Variants in KCMF1 observed in about 807,000 individuals in gnomAD.
KCMF1 encodes E3 ubiquitin-protein ligase KCMF1.
A neutral mutation model predicts 41.1 loss-of-function variants in KCMF1; 3 were observed. The observed-to-expected ratio is 0.07, with a 90% CI of 0.03 to 0.19. The LOEUF (loss-of-function observed/expected upper bound fraction) is 0.19. KCMF1 is among the 10% of genes least tolerant of loss of function. The pLI, the probability that KCMF1 is intolerant of heterozygous loss-of-function variation, is 1.00. For missense variants in KCMF1, 286 were observed against 488.9 expected (o/e 0.58, Z 3.91); for synonymous variants, 142 against 164.5 (o/e 0.86, Z 1.04).
chr2:85,028,561 C>G (rs1185000445), intron 2 of KCMF1, among the ~76,000 whole-genome samples: 1 of 133,592 alleles, frequency 7.5e-6, no homozygotes, highest in Admixed American at 8.8e-5. Flanking sequence ...GTGATCTCAG[C>G]TCGCTGCAAC....
chr2:85,017,272 C>G (rs1574026953), intron 1 of KCMF1, among the ~76,000 whole-genome samples: 1 of 151,162 alleles, frequency 6.6e-6, no homozygotes, highest in South Asian at 2.1e-4. Flanking sequence ...ATGATCCACC[C>G]GCTTCGGCCT....
At chr2:85,023,393 A>T (rs960079442) in intron 1 of KCMF1, among the ~76,000 whole-genome samples, 2 of 136,562 alleles carry the variant, frequency 1.5e-5, no homozygotes, top group Non-Finnish European at 3.0e-5. Flanking sequence ...ATCTCAGCTC[A>T]CTGCAAGCTC....
intron 1 of KCMF1, among the ~76,000 whole-genome samples, chr2:84,982,480 C>T (rs1673790033): frequency 7.3e-6 from 1 of 137,130 alleles, no homozygotes; most frequent in Non-Finnish European, 1.5e-5. Context: ...CGGCTCACTG[C>T]AACCTCCACC....
At chr2:85,049,258 C>T in intron 5 of KCMF1, 108 bp from the exon 6 acceptor site, 1 of 1,127,222 alleles carries the variant, frequency 8.9e-7, no homozygotes, top group Non-Finnish European at 1.3e-6. Flanking sequence ...TGGTGGTTAC[C>T]TACCTGTTCA....
intron 1 of KCMF1, among the ~76,000 whole-genome samples, chr2:85,016,695 C>CTT (rs747440965): frequency 2.1e-4 from 30 of 142,962 alleles, no homozygotes; most frequent in African/African-American, 4.6e-4. Context: ...TATAGTTTAT[C>CTT]TTTTTTTTTT....
chr2:85,003,244 C>T (rs6737387), intron 1 of KCMF1, among the ~76,000 whole-genome samples: 3,902 of 151,986 alleles, frequency 0.026, 162 homozygotes, highest in African/African-American at 0.086. Flanking sequence ...GAGGCCAAGG[C>T]GGGCAGATAA....
Position 85,053,179 on chromosome 2 carries a change from C to T in KCMF1, c.916C>T (p.Arg306Cys), listed in dbSNP as rs746409862. ...TGATCCTAAAATGTCTGAAACGGAG[C>T]GCCAGTCCATGGAAAGCGAGCGTGC... ...LNDPKMSETE[R>C]QSMESERADR... is the part of the protein sequence containing the mutation. The change falls in exon 7 of 7, where the codon CGC becomes TGC. Residue 306 changes from arginine (R) to cysteine (C), a missense_variant. By Grantham distance (180) the Arg-to-Cys change is radical. Transcript: ENST00000409785. The T allele has an allele frequency of 2.7e-5, 44 of 1,613,620 alleles. No individual in the cohort carries two copies. The highest frequency in any genetic ancestry group is 1.6e-4 in the Middle Eastern group (1 of 6,084).
chr2:85,045,660 G>C (rs116392842), intron 4 of KCMF1, among the ~76,000 whole-genome samples: 2 of 152,084 alleles, frequency 1.3e-5, no homozygotes, highest in Non-Finnish European at 2.9e-5. Flanking sequence ...ATTTTTCTTC[G>C]TGATAAATGT....
At chr2:85,031,501 G>T (rs116307507) in intron 2 of KCMF1, among the ~76,000 whole-genome samples, 1 of 151,930 alleles carries the variant, frequency 6.6e-6, no homozygotes, top group African/African-American at 2.4e-5. Flanking sequence ...TTTTCAGTGC[G>T]GTCTTCAATA....
rs532181806 is a variant in KCMF1, at chr2:85,003,022, A to G, written c.17-24867A>G. ...TGAATCTTGTATGGTTATTAATGCA[A>G]TCTAAGCTTGCTTGTTTATTTGCTG... On this transcript the variant is annotated intron_variant, in intron 1 of 6. Transcript: ENST00000409785. Among the ~76,000 whole-genome samples, 8 of 152,278 alleles carry G rather than the reference A, an allele frequency of 5.3e-5. No individual in the cohort carries two copies. In the East Asian group the frequency reaches 7.7e-4, roughly 15 times the overall value.
intron 3 of KCMF1, among the ~76,000 whole-genome samples, chr2:85,036,797 C>A (rs898494653): frequency 5.5e-4 from 79 of 144,600 alleles, no homozygotes; most frequent in African/African-American, 1.9e-3. Context: ...ACCCTGTCTC[C>A]AAAAAAAAAT....
chr2:85,032,814 C>T (rs72930908), intron 2 of KCMF1, among the ~76,000 whole-genome samples: 4,649 of 152,306 alleles, frequency 0.031, 247 homozygotes, highest in African/African-American at 0.11. Context: ...CCTCGCCCGG[C>T]GCCAAGAGTT....
At chr2:84,974,883 TC>T (rs1439298999) in intron 1 of KCMF1, among the ~76,000 whole-genome samples, 1 of 150,624 alleles carries the variant, frequency 6.6e-6, no homozygotes, top group Non-Finnish European at 1.5e-5. Flanking sequence ...TTTTTGTATT[TC>T]GTTTAGTAGA....
At chr2:84,990,638 A>C (rs982675740) in intron 1 of KCMF1, among the ~76,000 whole-genome samples, 4 of 150,260 alleles carry the variant, frequency 2.7e-5, no homozygotes, top group Non-Finnish European at 4.4e-5. Context: ...GGGAGACCCT[A>C]TCTCTGTTTT....
intron 1 of KCMF1, among the ~76,000 whole-genome samples, chr2:85,017,022 T>C (rs1227279715): frequency 7.0e-6 from 1 of 142,098 alleles, no homozygotes; most frequent in African/African-American, 2.6e-5. Context: ...CTTTTTTTTT[T>C]TTTTTTTTTT....
chr2:84,975,728 A>G (rs1442995806), intron 1 of KCMF1, among the ~76,000 whole-genome samples: 1 of 152,224 alleles, frequency 6.6e-6, no homozygotes, highest in Non-Finnish European at 1.5e-5. Context: ...ATTTTTTAAA[A>G]TGTCTCACTA....
intron 1 of KCMF1, among the ~76,000 whole-genome samples, chr2:84,979,376 T>TA (rs1211750563): frequency 6.6e-6 from 1 of 151,748 alleles, no homozygotes; most frequent in African/African-American, 2.4e-5. Flanking sequence ...TACAAAAAAA[T>TA]ATCTGGGCGT....
chr2:85,045,632 C>T lies in KCMF1; in HGVS notation c.427-472C>T, dbSNP rs113811362. 5.2e-3 allele frequency among the ~76,000 whole-genome samples: 787 copies of T among 152,160 alleles called. 6 individuals carry two copies. The highest frequency in any genetic ancestry group is 0.018 in the African/African-American group (749 of 41,494). On this transcript the variant is annotated intron_variant, in intron 4 of 6. Transcript: ENST00000409785. The stretch of plus-strand genomic sequence containing the variant: ...TTGACTTACACTCAGCTGTGTAAGA[C>T]GGTTGAGGCTGCTGGGAATTTTTCT...
chr2:85,015,259 C>A (rs1674743262), intron 1 of KCMF1, among the ~76,000 whole-genome samples: 1 of 152,004 alleles, frequency 6.6e-6, no homozygotes, highest in East Asian at 1.9e-4. Flanking sequence ...GGAAAACGTC[C>A]CCTTCTTTTC....
Sources: allele counts gnomAD v4.1 joint callset (sites outside exome capture counted in the v4.1 genomes callset), GRCh38; gene constraint gnomAD v4.1.1; transcripts MANE v1.5; gene names NCBI Gene and HGNC (gene_info 2026-07-23, HGNC 2026-07-21).